Variants in LDLRAD4 observed in about 807,000 individuals in gnomAD.
LDLRAD4 encodes low-density lipoprotein receptor class A domain-containing protein 4.
A neutral mutation model predicts 17.0 loss-of-function variants in LDLRAD4; 5 were observed. The observed-to-expected ratio is 0.29, with a 90% CI of 0.15 to 0.62. The LOEUF is 0.62. Ranked by LOEUF, LDLRAD4 falls within the 20% of genes least tolerant of loss-of-function variation. LDLRAD4 has a pLI of 0.84. For synonymous variants in LDLRAD4, 168 were observed against 171.8 expected (o/e 0.98, Z 0.17); for missense variants, 340 against 424.7 (o/e 0.80, Z 1.75).
chr18:13,422,007 T>A (rs6505812), intron 2 of LDLRAD4, among the ~76,000 whole-genome samples: 7 of 152,220 alleles, frequency 4.6e-5, no homozygotes, highest in African/African-American at 1.7e-4. Context: ...TACACACCAG[T>A]TACGGAACTC....
At chr18:13,560,849 C>G (rs1011283212) in intron 3 of LDLRAD4, among the ~76,000 whole-genome samples, 1 of 152,194 alleles carries the variant, frequency 6.6e-6, no homozygotes, top group Non-Finnish European at 1.5e-5. Context: ...TGCAGACCTG[C>G]GGTTGAAATG....
chr18:13,308,880 A>T (rs1343517724), intron 1 of LDLRAD4, among the ~76,000 whole-genome samples: 1 of 152,088 alleles, frequency 6.6e-6, no homozygotes, highest in Non-Finnish European at 1.5e-5. Context: ...TTTGATGTTT[A>T]TGTGGTCATA....
At chr18:13,470,256 A>G (rs114598917) in intron 3 of LDLRAD4, among the ~76,000 whole-genome samples, 4 of 152,174 alleles carry the variant, frequency 2.6e-5, no homozygotes, top group Non-Finnish European at 5.9e-5. Flanking sequence ...CTTCAGACTC[A>G]TATTTTCATA....
intron 3 of LDLRAD4, among the ~76,000 whole-genome samples, chr18:13,607,507 T>C (rs2095236200): frequency 6.6e-6 from 1 of 152,232 alleles, no homozygotes; most frequent in African/African-American, 2.4e-5. Flanking sequence ...ACATGTGTCA[T>C]AGTGGTTTGC....
chr18:13,492,376 C>T (rs2093377368), intron 3 of LDLRAD4, among the ~76,000 whole-genome samples: 1 of 152,258 alleles, frequency 6.6e-6, no homozygotes, highest in Non-Finnish European at 1.5e-5. Context: ...CCTTTCACAG[C>T]CCAGCATTGC....
Position 13,645,415 on chromosome 18 carries a change from G to T in LDLRAD4, c.679G>T (p.Gly227Cys). 6.2e-7 allele frequency: 1 copy of T among 1,614,110 alleles called. No individual in the cohort carries two copies. Among genetic ancestry groups the T allele is most frequent in the Non-Finnish European group, 8.5e-7 (1 of 1,180,022 alleles). ...AATAGACATTGCTATGTATAGCGGG[G>T]GTCCATGCCCACCCAGCAGCAACTC... is the stretch of plus-strand genomic sequence containing the variant. The change falls in exon 6 of 6, where the codon GGT becomes TGT. Residue 227 changes from glycine to cysteine, a missense_variant. Physicochemically the swap from Gly to Cys is radical, Grantham distance 159. Transcript: ENST00000359446. This position sits in a 1 kb window ranked among gnomAD's most constrained non-coding sequence, Gnocchi z 5.7.
intron 3 of LDLRAD4, among the ~76,000 whole-genome samples, chr18:13,439,108 G>A (rs1286558816): frequency 2.6e-5 from 4 of 152,042 alleles, no homozygotes; most frequent in Non-Finnish European, 5.9e-5. Flanking sequence ...AGCGTTGGCC[G>A]GGCCGACCCT....
intron 1 of LDLRAD4, among the ~76,000 whole-genome samples, chr18:13,336,806 C>T (rs555440394): frequency 3.9e-5 from 6 of 152,204 alleles, no homozygotes; most frequent in South Asian, 4.2e-4. Context: ...CTCCCCCTCT[C>T]TCTCTTTCAA....
At chr18:13,377,629 C>T (rs193248492) in intron 1 of LDLRAD4, among the ~76,000 whole-genome samples, 9 of 152,272 alleles carry the variant, frequency 5.9e-5, no homozygotes, top group Middle Eastern at 3.4e-3. Context: ...CAATAGAAAC[C>T]GCTTCCTCTC....
intron 1 of LDLRAD4, among the ~76,000 whole-genome samples, chr18:13,355,928 C>T (rs1482356740): frequency 6.6e-6 from 1 of 152,212 alleles, no homozygotes; most frequent in Non-Finnish European, 1.5e-5. Context: ...CTATGCTTGG[C>T]CTCCAAGAGT....
chr18:13,639,424 CA>C (rs1190041727), intron 4 of LDLRAD4, among the ~76,000 whole-genome samples: 1 of 152,250 alleles, frequency 6.6e-6, no homozygotes, highest in East Asian at 1.9e-4. Flanking sequence ...AGAGATGGAG[CA>C]GGAGCCAGCA....
upstream of LDLRAD4, among the ~76,000 whole-genome samples, chr18:13,273,418 A>C (rs943604146): frequency 3.9e-5 from 6 of 152,190 alleles, no homozygotes; most frequent in African/African-American, 1.4e-4. Context: ...CTCCCGCCTC[A>C]GCTTCCTGAG....
chr18:13,334,294 A>G (rs1166784172), intron 1 of LDLRAD4, among the ~76,000 whole-genome samples: 1 of 151,884 alleles, frequency 6.6e-6, no homozygotes, highest in African/African-American at 2.4e-5. Context: ...CTGGAGTGCA[A>G]TGGTGCAATC....
intron 1 of LDLRAD4, among the ~76,000 whole-genome samples, chr18:13,224,934 G>A (rs573580633): frequency 3.3e-5 from 5 of 150,882 alleles, no homozygotes; most frequent in Admixed American, 2.0e-4. Context: ...AGGTTCAAGC[G>A]ATTCTTGTAC....
chr18:13,642,145 A>G (rs1033339922), intron 4 of LDLRAD4: 1 of 985,354 alleles, frequency 1.0e-6, no homozygotes, highest in Non-Finnish European at 1.2e-6. Flanking sequence ...TTTGCCACTG[A>G]TTCCAGGATG....
chr18:13,233,398 C>T lies in LDLRAD4; in HGVS notation c.-467+14410C>T, dbSNP rs561131011. The stretch of plus-strand genomic sequence containing the variant: ...CCACTGCTCAGAGCCCAGTAAGAGG[C>T]GGGACAGCTGTGTTTGGAAGTGGGC... On this transcript the variant is annotated intron_variant, in intron 1 of 5. Transcript: ENST00000399848. 4.6e-5 allele frequency among the ~76,000 whole-genome samples: 7 copies of T among 152,218 alleles called. No individual in the cohort carries two copies. The South Asian group carries it at 1.0e-3, about 23-fold the overall frequency.
At chr18:13,492,795 T>G (rs2147129338) in intron 3 of LDLRAD4, among the ~76,000 whole-genome samples, 1 of 152,210 alleles carries the variant, frequency 6.6e-6, no homozygotes, top group Admixed American at 6.5e-5. Context: ...TCCCCACAGC[T>G]CCACTCTTCC....
intron 2 of LDLRAD4, among the ~76,000 whole-genome samples, chr18:13,411,132 T>C (rs1217936510): frequency 1.3e-5 from 2 of 152,018 alleles, no homozygotes; most frequent in Non-Finnish European, 2.9e-5. Context: ...TGCACCTGTA[T>C]TCCCAGCTAC....
chr18:13,304,076 G>C (rs902637366), intron 1 of LDLRAD4, among the ~76,000 whole-genome samples: 1 of 152,194 alleles, frequency 6.6e-6, no homozygotes, highest in African/African-American at 2.4e-5. Flanking sequence ...GGGTCCTGGG[G>C]TCTGGTCCCC....
Sources: allele counts gnomAD v4.1 joint callset (sites outside exome capture counted in the v4.1 genomes callset), GRCh38; gene constraint gnomAD v4.1.1; non-coding constraint Gnocchi (gnomAD v3.1); transcripts MANE v1.5; gene names NCBI Gene and HGNC (gene_info 2026-07-23, HGNC 2026-07-21).